TIAM2: variants seen among roughly 807,000 people sequenced by gnomAD.
TIAM2 encodes the protein rho guanine nucleotide exchange factor TIAM2.
In TIAM2, 80 loss-of-function variants were observed where a neutral mutation model predicts 152.9. The observed-to-expected ratio is 0.52, with a 90% CI of 0.44 to 0.63. The LOEUF is 0.63. TIAM2 is among the 30% of genes least tolerant of loss of function. TIAM2 has a pLI of 0.00. For synonymous variants in TIAM2, 804 were observed against 838.0 expected (o/e 0.96, Z 0.70); for missense variants, 1,965 against 2,120.1 (o/e 0.93, Z 1.44).
intron 1 of TIAM2, among the ~76,000 whole-genome samples, chr6:155,047,877 C>T (rs1215897074): frequency 1.3e-5 from 2 of 152,138 alleles, no homozygotes; most frequent in South Asian, 4.1e-4. Flanking sequence ...ATAGACTCTG[C>T]CAGTGCTGAC....
In TIAM2 at chr6:155,082,513, G is replaced by C. The variant is rs565120657; in HGVS notation, c.-208-7776G>C. On this transcript the variant is annotated intron_variant, in intron 1 of 26. Transcript: ENST00000682666. ...TAAAAATACAAAATTAGCTGGGCGT[G>C]GTGGCACACACTTGTAATCTCAGCT... Among the ~76,000 whole-genome samples, 4 of 152,026 alleles carry C rather than the reference G, an allele frequency of 2.6e-5. No homozygotes were observed. In the South Asian group the frequency reaches 8.3e-4, roughly 32 times the overall value.
chr6:155,206,695 C>T (rs1408754324), intron 14 of TIAM2, among the ~76,000 whole-genome samples: 1 of 152,156 alleles, frequency 6.6e-6, no homozygotes, highest in African/African-American at 2.4e-5. Flanking sequence ...CAGACTGTAA[C>T]TTGGGACATT....
chr6:155,145,228 G>A (rs1779794693), intron 6 of TIAM2, among the ~76,000 whole-genome samples: 1 of 152,170 alleles, frequency 6.6e-6, no homozygotes, highest in South Asian at 2.1e-4. Flanking sequence ...ATGCTATGAG[G>A]TCTCATTTCC....
intron 5 of TIAM2, among the ~76,000 whole-genome samples, chr6:155,140,567 T>TGAGA (rs1206144300): frequency 8.8e-6 from 1 of 114,006 alleles, no homozygotes; most frequent in Non-Finnish European, 1.7e-5. Context: ...TGTGTGTGTG[T>TGAGA]GTGTGTGAGA....
intron 1 of TIAM2, among the ~76,000 whole-genome samples, chr6:155,029,714 CAG>C (rs1457443021): frequency 7.3e-6 from 1 of 136,966 alleles, no homozygotes; most frequent in South Asian, 2.3e-4. Flanking sequence ...TAACTATATA[CAG>C]AGTTATATAA....
intron 15 of TIAM2, among the ~76,000 whole-genome samples, chr6:155,239,339 C>T (rs1463747719): frequency 6.6e-6 from 1 of 152,152 alleles, no homozygotes; most frequent in Non-Finnish European, 1.5e-5. Flanking sequence ...AGAGGTGGGC[C>T]GAGTACCTCC....
Position 155,254,027 on chromosome 6 carries a change from G to C in TIAM2, c.4280G>C (p.Gly1427Ala). 1.2e-6 allele frequency: 2 copies of C among 1,614,092 alleles called. No homozygotes were observed. The highest frequency in any genetic ancestry group is 1.1e-5 in the South Asian group (1 of 91,074). The change falls in exon 25 of 27, where the codon GGA becomes GCA. Residue 1427 changes from glycine (G) to alanine (A), a missense_variant. Physicochemically the swap from Gly to Ala is moderately conservative, Grantham distance 60. Transcript: ENST00000682666. ...ATCCATACGAAGTCAGAAATAGAAG[G>C]ACGGCCAGAAACCATCTTTCAGTTG... ...ELIHTKSEIE[G>A]RPETIFQLCC...
Position 155,009,143 on chromosome 6 carries a change from C to T in TIAM2, c.-209+13651C>T, listed in dbSNP as rs181444201. On this transcript the variant is annotated intron_variant, in intron 1 of 26. Transcript: ENST00000682666. ...TTGAGGCAGGGTCTCGCTCTGTCAC[C>T]GAGGCTGGAGTGTAGTGGTACAATC... is the stretch of plus-strand genomic sequence containing the variant. Among the ~76,000 whole-genome samples the T allele has an allele frequency of 5.5e-4, 73 of 132,664 alleles. 1 individual carries two copies. Among genetic ancestry groups the T allele is most frequent in the African/African-American group, 1.9e-3 (66 of 35,110 alleles). The allele number at this position is 132,664 out of a possible 152,430, so 87.0% of individuals were successfully genotyped here.
At chr6:155,138,984 T>C (rs140375544) in intron 5 of TIAM2, among the ~76,000 whole-genome samples, 1 of 152,332 alleles carries the variant, frequency 6.6e-6, no homozygotes, top group Non-Finnish European at 1.5e-5. Flanking sequence ...CTGTACAGCG[T>C]TGATTTATGC....
intron 1 of TIAM2, among the ~76,000 whole-genome samples, chr6:155,035,594 T>TG (rs1309184713): frequency 6.6e-6 from 1 of 152,224 alleles, no homozygotes; most frequent in Non-Finnish European, 1.5e-5. Context: ...GTATGTGTAC[T>TG]GATCATCATC....
chr6:155,145,568 G>A (rs1015013892), intron 6 of TIAM2, among the ~76,000 whole-genome samples: 1 of 152,178 alleles, frequency 6.6e-6, no homozygotes, highest in Non-Finnish European at 1.5e-5. Context: ...ACAGGTGAGA[G>A]TGAGAGCTGG....
rs562461115 is a variant in TIAM2, at chr6:155,237,541, C to T, written c.3169-2989C>T. Among the ~76,000 whole-genome samples, 24 of 152,370 alleles carry T rather than the reference C, an allele frequency of 1.6e-4. 1 individual carries two copies. The highest frequency in any genetic ancestry group is 5.3e-4 in the African/African-American group (22 of 41,594). On this transcript the variant is annotated intron_variant, in intron 15 of 26. Coordinates refer to ENST00000682666, the MANE Select transcript of TIAM2 (RefSeq NM_012454.4). Reference sequence around the variant, plus strand: ...TCTGCACTGCCCTAGTGGAGGTTCTCCATGAGAGCCCTGCCCCTGCAGCAA... The same window carrying T: ...TCTGCACTGCCCTAGTGGAGGTTCTTCATGAGAGCCCTGCCCCTGCAGCAA...
chr6:155,117,858 G>C (rs757669531), intron 2 of TIAM2, among the ~76,000 whole-genome samples: 1 of 152,206 alleles, frequency 6.6e-6, no homozygotes, highest in African/African-American at 2.4e-5. Flanking sequence ...TCACACTTCT[G>C]TCCCTCATGG....
At chr6:155,169,337 C>T (rs149558843) in intron 9 of TIAM2, among the ~76,000 whole-genome samples, 189 of 152,316 alleles carry the variant, frequency 1.2e-3, no homozygotes, top group African/African-American at 4.2e-3. Flanking sequence ...AGAATCTTTA[C>T]ATGAACTCCT....
intron 1 of TIAM2, among the ~76,000 whole-genome samples, chr6:155,054,442 A>G (rs60945120): frequency 0.041 from 6,180 of 152,204 alleles, 419 homozygotes; most frequent in African/African-American, 0.14. Context: ...AGATATAGAA[A>G]TTAGGTGAGG....
intron 1 of TIAM2, among the ~76,000 whole-genome samples, chr6:155,037,898 G>A (rs1490114733): frequency 6.6e-6 from 1 of 152,070 alleles, no homozygotes; most frequent in African/African-American, 2.4e-5. Context: ...ATCTGAAGTT[G>A]CTGTTGGCTG....
intron 1 of TIAM2, among the ~76,000 whole-genome samples, chr6:155,049,911 T>C (rs954994065): frequency 2.0e-5 from 3 of 152,006 alleles, no homozygotes; most frequent in African/African-American, 7.2e-5. Context: ...AAAAGCTGAG[T>C]AGTTATTGAT....
intron 4 of TIAM2, among the ~76,000 whole-genome samples, chr6:155,133,968 C>T (rs558984727): frequency 6.6e-6 from 1 of 152,268 alleles, no homozygotes; most frequent in Admixed American, 6.5e-5. Context: ...CCACCCTCCT[C>T]GGCCTCCCAA....
chr6:155,211,143 G>C, intron 14 of TIAM2, 61 bp from the exon 15 acceptor site: 2 of 1,453,326 alleles, frequency 1.4e-6, no homozygotes, highest in Non-Finnish European at 1.9e-6. Context: ...CCTTTAAACC[G>C]GGTGTTATTA....
Sources: allele counts gnomAD v4.1 joint callset (sites outside exome capture counted in the v4.1 genomes callset), GRCh38; gene constraint gnomAD v4.1.1; transcripts MANE v1.5; gene names NCBI Gene and HGNC (gene_info 2026-07-23, HGNC 2026-07-21).